Variants in TGFBRAP1 observed in about 807,000 individuals in gnomAD.
TGFBRAP1 encodes the protein transforming growth factor beta receptor associated protein 1.
TGFBRAP1 carries 20 observed loss-of-function variants against 83.2 expected under a neutral mutation model. The observed-to-expected ratio is 0.24, with a 90% CI of 0.17 to 0.35. TGFBRAP1 has a LOEUF of 0.35. Ranked by LOEUF, TGFBRAP1 falls within the 10% of genes least tolerant of loss-of-function variation. The pLI is 1.00. For missense variants in TGFBRAP1, 950 were observed against 1,099.4 expected, an observed-to-expected ratio of 0.86 and a Z score of 1.92; for synonymous variants, 415 against 459.8, an observed-to-expected ratio of 0.90 and a Z score of 1.25.
At chr2:105,284,004 C>T (rs998252629) in intron 5 of TGFBRAP1, among the ~76,000 whole-genome samples, 4 of 152,176 alleles carry the variant, frequency 2.6e-5, no homozygotes, top group Non-Finnish European at 5.9e-5. Context: ...GGGTCCTTTG[C>T]GTGCTATCAG....
chr2:105,303,752 C>G (rs1397624488), intron 2 of TGFBRAP1, among the ~76,000 whole-genome samples: 1 of 152,078 alleles, frequency 6.6e-6, no homozygotes, highest in Non-Finnish European at 1.5e-5. Context: ...GTCTTGCCTC[C>G]CCACAAAACA....
chr2:105,310,640 G>C (rs1678660353), intron 1 of TGFBRAP1, among the ~76,000 whole-genome samples: 1 of 151,980 alleles, frequency 6.6e-6, no homozygotes, highest in African/African-American at 2.4e-5. Flanking sequence ...ACTCTTGCAG[G>C]CTTCTACAAA....
chr2:105,261,935 G>A (rs577621155), downstream of TGFBRAP1, among the ~76,000 whole-genome samples: 10 of 152,244 alleles, frequency 6.6e-5, no homozygotes, highest in South Asian at 4.1e-4. Context: ...ATGAGATTCC[G>A]GAGTGCTCAG....
intron 10 of TGFBRAP1, among the ~76,000 whole-genome samples, chr2:105,272,346 C>T (rs1044241076): frequency 5.9e-5 from 9 of 152,328 alleles, no homozygotes; most frequent in Admixed American, 4.6e-4. Context: ...TCGCTGGGGG[C>T]AGTGCCTACT....
At chr2:105,309,311 G>A (rs1209728562) in intron 1 of TGFBRAP1, among the ~76,000 whole-genome samples, 1 of 152,200 alleles carries the variant, frequency 6.6e-6, no homozygotes, top group Non-Finnish European at 1.5e-5. Flanking sequence ...GGAGCTGCAG[G>A]GCAGCTGGCT....
At chr2:105,293,922 C>T (rs1677996242) in intron 4 of TGFBRAP1, among the ~76,000 whole-genome samples, 1 of 152,098 alleles carries the variant, frequency 6.6e-6, no homozygotes, top group Non-Finnish European at 1.5e-5. Flanking sequence ...ATCGCAGGTG[C>T]ATGAGGTAAG....
intron 1 of TGFBRAP1, among the ~76,000 whole-genome samples, chr2:105,312,362 T>C (rs907438033): frequency 6.6e-6 from 1 of 152,172 alleles, no homozygotes; most frequent in African/African-American, 2.4e-5. Flanking sequence ...TATAATAATT[T>C]AAAAGATCAA....
Position 105,267,579 on chromosome 2 carries a change from C to A in TGFBRAP1, c.2407-20G>T. On this transcript the variant is annotated intron_variant, in intron 11 of 11. Transcript: ENST00000393359. Reference sequence around the variant, plus strand: ...CTTCATCTGCAAGAAGAAACCAAGACTGAGAATGCTGTCATGTGTTAAGTA... The same window carrying A: ...CTTCATCTGCAAGAAGAAACCAAGAATGAGAATGCTGTCATGTGTTAAGTA... 6.2e-7 allele frequency: 1 copy of A among 1,613,898 alleles called. No individual in the cohort carries two copies.
chr2:105,267,530 G>T lies in TGFBRAP1; in HGVS notation c.2436C>A (p.Leu812=). ...ATATCTGACAAAGCTTTTTGTCTGA[G>T]AGTTGGATTGAGCTTCCTTTCAACT... ...KMKLKGSSIQ[L]SDKKLCQICQ... is the part of the protein sequence containing the mutation. Residue 812 remains leucine, a synonymous_variant, in exon 12 of 12, where the codon CTC becomes CTA. Transcript: ENST00000393359. The T allele has an allele frequency of 6.2e-7, 1 of 1,614,216 alleles. No homozygotes were observed. The highest frequency in any genetic ancestry group is 8.5e-7 in the Non-Finnish European group (1 of 1,180,044).
In TGFBRAP1 at chr2:105,307,814, T is replaced by A; in HGVS notation, c.488A>T (p.Glu163Val). Residue 163 changes from glutamate (E) to valine (V), a missense_variant, in exon 2 of 12, where the codon GAG (glutamate) becomes GTG (valine). By Grantham distance (121) the Glu-to-Val change is moderately radical. Coordinates refer to ENST00000393359, the MANE Select transcript of TGFBRAP1 (RefSeq NM_004257.6). ...GAGGGGCTGCTCGGCAGTCGACACC[T>A]CCTTGACGATCTGCACCCGGTCCTC... ...VYEDRVQIVK[E>V]VSTAEQPLAV... 1.2e-6 allele frequency: 2 copies of A among 1,614,076 alleles called. No individual in the cohort carries two copies. The highest frequency in any genetic ancestry group is 8.5e-7 in the Non-Finnish European group (1 of 1,180,026).
At chr2:105,323,034 C>T (rs1230709204) in intron 1 of TGFBRAP1, among the ~76,000 whole-genome samples, 1 of 152,174 alleles carries the variant, frequency 6.6e-6, no homozygotes, top group Non-Finnish European at 1.5e-5. Context: ...CAGCCAAAAG[C>T]AAACCATGGT....
In TGFBRAP1 at chr2:105,298,720, A is replaced by G. The variant is rs1262562145; in HGVS notation, c.689-15T>C. On this transcript the variant is annotated splice_polypyrimidine_tract_variant and intron_variant, in intron 2 of 11. Transcript: ENST00000393359. ...GGCAAACATGCCTAGAAGTAAGAAG[A>G]AAGAGTTAGGTAGGCTTCCAAATAA... 13 of 1,556,542 alleles carry G rather than the reference A, an allele frequency of 8.4e-6. No individual in the cohort carries two copies. The highest frequency in any genetic ancestry group is 1.4e-5 in the African/African-American group (1 of 73,268).
At chr2:105,281,134 A>G (rs992391927) in intron 5 of TGFBRAP1, among the ~76,000 whole-genome samples, 1 of 152,202 alleles carries the variant, frequency 6.6e-6, no homozygotes, top group Non-Finnish European at 1.5e-5. Context: ...CTAAATTACA[A>G]ACAGATTTGT....
At chr2:105,310,960 C>T (rs12476649) in intron 1 of TGFBRAP1, among the ~76,000 whole-genome samples, 15,225 of 152,164 alleles carry the variant, frequency 0.1, 1,139 homozygotes, top group East Asian at 0.4. Context: ...TGGGCACCTA[C>T]AATCAAACTC....
chr2:105,285,301 C>G (rs918821438), intron 4 of TGFBRAP1, among the ~76,000 whole-genome samples: 1 of 152,212 alleles, frequency 6.6e-6, no homozygotes, highest in South Asian at 2.1e-4. Context: ...ACTCACCTAG[C>G]GTCTCCCACT....
intron 1 of TGFBRAP1, among the ~76,000 whole-genome samples, chr2:105,317,973 C>T (rs920667404): frequency 5.3e-5 from 8 of 152,168 alleles, no homozygotes; most frequent in African/African-American, 1.7e-4. Context: ...TGAAGTCTGA[C>T]AACATGAGGT....
At chr2:105,317,647 C>T (rs534159635) in intron 1 of TGFBRAP1, among the ~76,000 whole-genome samples, 3 of 152,178 alleles carry the variant, frequency 2.0e-5, no homozygotes, top group African/African-American at 7.2e-5. Context: ...TAAATTCTCC[C>T]ATGTGAAAAT....
rs1274824415 is a variant in TGFBRAP1, at chr2:105,269,912, C to G, written c.1973-207G>C. On this transcript the variant is annotated intron_variant, in intron 10 of 11. Coordinates refer to ENST00000393359, the MANE Select transcript of TGFBRAP1 (RefSeq NM_004257.6). The surrounding 1 kb of genome is among the most constrained non-coding windows in gnomAD (Gnocchi z 4.1). ...AGGTGTTAGTAAAACAGAAGGCAGA[C>G]TCTACTCAAAAGTATAGCTGGACCA... is the stretch of plus-strand genomic sequence containing the variant. Among the ~76,000 whole-genome samples, 1 of 152,148 alleles carries G rather than the reference C, an allele frequency of 6.6e-6. No individual in the cohort carries two copies. The highest frequency in any genetic ancestry group is 1.9e-4 in the East Asian group (1 of 5,172).
chr2:105,276,926 A>G (rs1677371124), intron 7 of TGFBRAP1, among the ~76,000 whole-genome samples: 2 of 152,198 alleles, frequency 1.3e-5, no homozygotes, highest in Non-Finnish European at 2.9e-5. Flanking sequence ...CCCCTCACAA[A>G]ATAAAGCAAA....
Sources: gnomAD v4.1 joint callset for allele counts (sites outside exome capture counted in the v4.1 genomes callset) on GRCh38, gnomAD v4.1.1 for gene constraint, Gnocchi (gnomAD v3.1) non-coding constraint, MANE v1.5 for transcripts, NCBI Gene and HGNC (gene_info 2026-07-23, HGNC 2026-07-21) for gene names.